PCCB: variants seen among roughly 807,000 people sequenced by gnomAD.
PCCB encodes propionyl-CoA carboxylase beta chain, mitochondrial.
In PCCB, 43 loss-of-function variants were observed where a neutral mutation model predicts 60.7. That is an observed-to-expected ratio of 0.71 (90% CI 0.55 to 0.91). The LOEUF is 0.91. PCCB is among the 40% of genes least tolerant of loss of function. PCCB has a pLI of 0.00. For synonymous variants in PCCB, 276 were observed against 255.9 expected, an observed-to-expected ratio of 1.08 and a Z score of -0.75; for missense variants, 766 against 702.8, an observed-to-expected ratio of 1.09 and a Z score of -1.02.
At chr3:136,309,435 C>CA (rs1244688480) in intron 9 of PCCB, among the ~76,000 whole-genome samples, 1 of 151,948 alleles carries the variant, frequency 6.6e-6, no homozygotes, top group Non-Finnish European at 1.5e-5. Context: ...TGGCTAACTT[C>CA]AAAAAAGAGA....
At chr3:136,256,034 C>G (rs897681191) in intron 2 of PCCB, 59 bp downstream of exon 2, 1 of 1,611,666 alleles carries the variant, frequency 6.2e-7, no homozygotes. Context: ...GGCCTACCCA[C>G]TAGAATAATA....
At chr3:136,283,701 A>AT in intron 5 of PCCB, 136 bp from the exon 6 acceptor site, 1 of 670,966 alleles carries the variant, frequency 1.5e-6, no homozygotes, top group East Asian at 2.7e-5. Flanking sequence ...AACTTCACTG[A>AT]TTAGGTCTGT....
chr3:136,302,044 G>A (rs923788266), intron 9 of PCCB, among the ~76,000 whole-genome samples: 3 of 152,116 alleles, frequency 2.0e-5, no homozygotes, highest in Admixed American at 6.5e-5. Context: ...GGAGAGCCTC[G>A]CAACAGTGTG....
At position 136,300,264 on chromosome 3, in the gene PCCB, G is replaced by A. The variant is rs576316979; in HGVS notation, c.885-766G>A. Among the ~76,000 whole-genome samples the A allele has an allele frequency of 1.4e-4, 22 of 152,284 alleles. No homozygotes were observed. The East Asian group carries it at 3.7e-3, about 25-fold the overall frequency. ...TTCTTTCCAGCGTAGAGCTTTTTGC[G>A]AAGTTGGGCTTGATGGACACATGGC... On this transcript the variant is annotated intron_variant, in intron 8 of 14. Coordinates refer to ENST00000251654, the MANE Select transcript of PCCB (RefSeq NM_000532.5).
chr3:136,307,936 T>C (rs1213225999), intron 9 of PCCB, among the ~76,000 whole-genome samples: 1 of 151,794 alleles, frequency 6.6e-6, no homozygotes, highest in African/African-American at 2.4e-5. Context: ...GATTGCACCA[T>C]TGCACTCAAG....
At chr3:136,318,987 C>G (rs1441962735) in intron 10 of PCCB, among the ~76,000 whole-genome samples, 1 of 152,160 alleles carries the variant, frequency 6.6e-6, no homozygotes, top group African/African-American at 2.4e-5. Flanking sequence ...TGGGGAAACA[C>G]CATACTGTTT....
At chr3:136,274,362 T>C (rs1942285649) in intron 5 of PCCB, among the ~76,000 whole-genome samples, 1 of 152,190 alleles carries the variant, frequency 6.6e-6, no homozygotes, top group Non-Finnish European at 1.5e-5. Flanking sequence ...AATGGCTTTA[T>C]CTCTCCTTCA....
At chr3:136,272,517 T>G (rs1942227785) in intron 5 of PCCB, among the ~76,000 whole-genome samples, 2 of 152,164 alleles carry the variant, frequency 1.3e-5, no homozygotes, top group Admixed American at 1.3e-4. Flanking sequence ...TTAAAATTAC[T>G]GATTCAGTCT....
chr3:136,296,132 C>T (rs941238991), intron 7 of PCCB, among the ~76,000 whole-genome samples: 1 of 152,080 alleles, frequency 6.6e-6, no homozygotes, highest in Admixed American at 6.6e-5. Flanking sequence ...TTTTAAACAC[C>T]TATTTATAGT....
intron 5 of PCCB, among the ~76,000 whole-genome samples, chr3:136,268,155 T>C (rs1372914030): frequency 1.4e-5 from 2 of 142,618 alleles, no homozygotes; most frequent in African/African-American, 5.3e-5. Context: ...CATACACAAG[T>C]ACATATAAGA....
rs559640639 is a variant in PCCB at position 136,272,131 on chromosome 3, T to C, written c.543+10066T>C. On this transcript the variant is annotated intron_variant, in intron 5 of 14. Transcript: ENST00000251654. ...AATTGAGATGATCATATGGTTTTTG[T>C]TTTAAATTCTGTTTACGGGATTTAT... is the stretch of plus-strand genomic sequence containing the variant. Among the ~76,000 whole-genome samples, 8 of 152,342 alleles carry C rather than the reference T, an allele frequency of 5.3e-5. No homozygotes were observed. In the South Asian group the frequency reaches 1.7e-3, roughly 32 times the overall value.
chr3:136,326,674 T>G, intron 10 of PCCB, 129 bp from the exon 11 acceptor site: 1 of 762,972 alleles, frequency 1.3e-6, no homozygotes, highest in Non-Finnish European at 2.4e-6. Context: ...CTTGTTACCA[T>G]TCTGCAACAA....
rs941752371 is a variant in PCCB at position 136,314,429 on chromosome 3, C to T, written c.967-2512C>T. Among the ~76,000 whole-genome samples, 26 of 152,002 alleles carry T rather than the reference C, an allele frequency of 1.7e-4. No individual in the cohort carries two copies. The East Asian group carries it at 2.9e-3, about 17-fold the overall frequency. On this transcript the variant is annotated intron_variant, in intron 9 of 14. Coordinates refer to ENST00000251654, the MANE Select transcript of PCCB (RefSeq NM_000532.5). ...TGGTGGTTCACACTTGTAAGGAGGG[C>T]GGATTGCTCGAGCTTCGGAGTTTGA...
rs549921400 is a variant in PCCB, at chr3:136,289,616, A to G, written c.655-4140A>G. 2.0e-5 allele frequency among the ~76,000 whole-genome samples: 3 copies of G among 151,924 alleles called. No individual in the cohort carries two copies. In the South Asian group the frequency reaches 6.2e-4, roughly 32 times the overall value. ...TCCGTCTTTTAATTGATACATTTAGACCATTGACATTCAGAGAGATTGTTG... is the reference window on the plus strand; with the variant it reads ...TCCGTCTTTTAATTGATACATTTAGGCCATTGACATTCAGAGAGATTGTTG... On this transcript the variant is annotated intron_variant, in intron 6 of 14. Transcript: ENST00000251654.
At chr3:136,304,382 A>AT (rs1934386307) in intron 9 of PCCB, among the ~76,000 whole-genome samples, 1 of 104,932 alleles carries the variant, frequency 9.5e-6, no homozygotes, top group African/African-American at 3.3e-5. Flanking sequence ...TTTTCCAATT[A>AT]TTTATTTATT....
Position 136,256,629 on chromosome 3 carries a change from T to A in PCCB, c.372+6T>A, listed in dbSNP as rs777383720. 3.1e-6 allele frequency: 5 copies of A among 1,594,936 alleles called. No individual in the cohort carries two copies. Among genetic ancestry groups the A allele is most frequent in the Non-Finnish European group, 2.6e-6 (3 of 1,162,452 alleles). ...TGGTTTATGTCTTCAGTCAGGTATT[T>A]CATAACTCCAATAGTCTGAACTTTT... On this transcript the variant is annotated splice_donor_region_variant and intron_variant, in intron 3 of 14. Transcript: ENST00000251654.
At chr3:136,271,262 T>C (rs1057325586) in intron 5 of PCCB, among the ~76,000 whole-genome samples, 1 of 152,136 alleles carries the variant, frequency 6.6e-6, no homozygotes, top group Non-Finnish European at 1.5e-5. Flanking sequence ...TAGATTTAAG[T>C]CTTGGAAGTC....
At chr3:136,262,685 C>T (rs959052718) in intron 5 of PCCB, among the ~76,000 whole-genome samples, 2 of 152,306 alleles carry the variant, frequency 1.3e-5, no homozygotes, top group Non-Finnish European at 2.9e-5. Context: ...AGAGATACTG[C>T]AGACAGAAAC....
intron 5 of PCCB, 137 bp downstream of exon 5, chr3:136,262,202 TG>T: frequency 1.4e-6 from 1 of 698,168 alleles, no homozygotes; most frequent in East Asian, 2.8e-5. Flanking sequence ...TCTGTGTCAC[TG>T]GGGGTGGGAT....
Sources: gnomAD v4.1 joint callset for allele counts (sites outside exome capture counted in the v4.1 genomes callset) on GRCh38, gnomAD v4.1.1 for gene constraint, MANE v1.5 for transcripts, NCBI Gene and HGNC (gene_info 2026-07-23, HGNC 2026-07-21) for gene names.